CCDC102B: variants seen among roughly 807,000 people sequenced by gnomAD.
CCDC102B encodes coiled-coil domain containing 102B, also known as coiled-coil domain-containing protein 102B.
In CCDC102B, 75 loss-of-function variants were observed where a neutral mutation model predicts 57.4. That is an observed-to-expected ratio of 1.31 (90% CI 1.08 to 1.58). The LOEUF (loss-of-function observed/expected upper bound fraction) is 1.58, where lower values mean the gene tolerates loss of function less well. CCDC102B is among the 40% of genes most tolerant of loss of function. The pLI, the probability that CCDC102B is intolerant of heterozygous loss-of-function variation, is 0.00. For synonymous variants in CCDC102B, 206 were observed against 201.9 expected, an observed-to-expected ratio of 1.02 and a Z score of -0.17; for missense variants, 636 against 582.6, an observed-to-expected ratio of 1.09 and a Z score of -0.94.
chr18:68,838,377 G>A (rs1485212211), intron 2 of CCDC102B: 1 of 977,786 alleles, frequency 1.0e-6, no homozygotes, highest in East Asian at 1.1e-4. Context: ...ACTTGAAAGA[G>A]GAATTCATCA....
At chr18:68,804,757 A>T (rs1329205309) in intron 1 of CCDC102B, among the ~76,000 whole-genome samples, 1 of 152,184 alleles carries the variant, frequency 6.6e-6, no homozygotes, top group Non-Finnish European at 1.5e-5. Context: ...GTTGAAAATG[A>T]TACTGCGACT....
At chr18:68,878,473 T>C (rs2039539826) in intron 5 of CCDC102B, among the ~76,000 whole-genome samples, 1 of 152,160 alleles carries the variant, frequency 6.6e-6, no homozygotes, top group Non-Finnish European at 1.5e-5. Context: ...GTTCCCCAAA[T>C]TTATATACTG....
chr18:68,850,172 A>G (rs1380973294), intron 4 of CCDC102B, among the ~76,000 whole-genome samples: 1 of 152,176 alleles, frequency 6.6e-6, no homozygotes, highest in Non-Finnish European at 1.5e-5. Context: ...AAGAGTCAAT[A>G]TGTTACATCG....
chr18:68,818,550 C>G (rs2036580079), intron 1 of CCDC102B, among the ~76,000 whole-genome samples: 1 of 152,128 alleles, frequency 6.6e-6, no homozygotes, highest in Admixed American at 6.5e-5. Context: ...CATTACCACT[C>G]CAACTAAGGG....
At chr18:68,910,595 G>A (rs182008350) in intron 6 of CCDC102B, among the ~76,000 whole-genome samples, 12 of 152,252 alleles carry the variant, frequency 7.9e-5, no homozygotes, top group African/African-American at 2.9e-4. Context: ...ACAGGGCTGA[G>A]GACACACAGC....
intron 6 of CCDC102B, among the ~76,000 whole-genome samples, chr18:68,979,881 G>A (rs1328240444): frequency 6.6e-6 from 1 of 152,024 alleles, no homozygotes; most frequent in East Asian, 1.9e-4. Flanking sequence ...TGCAGCATGA[G>A]GTCAGGAGGC....
intron 6 of CCDC102B, among the ~76,000 whole-genome samples, chr18:68,947,573 A>G (rs1419568081): frequency 6.6e-6 from 1 of 152,126 alleles, no homozygotes; most frequent in Non-Finnish European, 1.5e-5. Context: ...AACTATTCAT[A>G]TAAAATTCAG....
At chr18:68,822,133 C>T (rs2036714614) in intron 1 of CCDC102B, among the ~76,000 whole-genome samples, 1 of 152,136 alleles carries the variant, frequency 6.6e-6, no homozygotes, top group Non-Finnish European at 1.5e-5. Flanking sequence ...TGGTGGCTCA[C>T]TCCTTTAATC....
At chr18:68,793,220 G>C (rs149667550), upstream of CCDC102B, among the ~76,000 whole-genome samples, 1 of 152,238 alleles carries the variant, frequency 6.6e-6, no homozygotes, top group African/African-American at 2.4e-5. Flanking sequence ...ATTTTCAGTT[G>C]CTGACATTGT....
intron 6 of CCDC102B, among the ~76,000 whole-genome samples, chr18:68,958,567 T>G (rs2049966688): frequency 6.6e-6 from 1 of 152,174 alleles, no homozygotes; most frequent in African/African-American, 2.4e-5. Flanking sequence ...TAGTTTTCTT[T>G]TATTATCTCT....
At chr18:69,030,928 CA>C (rs1434455792) in intron 7 of CCDC102B, among the ~76,000 whole-genome samples, 1 of 152,168 alleles carries the variant, frequency 6.6e-6, no homozygotes, top group Non-Finnish European at 1.5e-5. Flanking sequence ...GCTGGGATTA[CA>C]AGTGTGAGTC....
chr18:68,808,171 AG>A (rs1461546948), intron 1 of CCDC102B, among the ~76,000 whole-genome samples: 1 of 152,164 alleles, frequency 6.6e-6, no homozygotes, highest in Non-Finnish European at 1.5e-5. Flanking sequence ...TTGTTTTTCA[AG>A]TAACATATCT....
chr18:68,831,186 AT>A (rs1309188889), intron 1 of CCDC102B, among the ~76,000 whole-genome samples: 2 of 152,108 alleles, frequency 1.3e-5, no homozygotes, highest in African/African-American at 4.8e-5. Context: ...ATCATTGAAC[AT>A]TATCTTAGAA....
At chr18:68,942,302 C>T (rs1053827481) in intron 6 of CCDC102B, among the ~76,000 whole-genome samples, 3 of 151,970 alleles carry the variant, frequency 2.0e-5, no homozygotes, top group Admixed American at 2.0e-4. Context: ...CACCTGTGGG[C>T]GTTTCTCGTC....
intron 6 of CCDC102B, among the ~76,000 whole-genome samples, chr18:68,959,449 AC>A (rs1385684710): frequency 2.0e-5 from 3 of 152,120 alleles, no homozygotes; most frequent in African/African-American, 7.2e-5. Flanking sequence ...GCTAGGTCAG[AC>A]CTGAAGCCAG....
intron 2 of CCDC102B, among the ~76,000 whole-genome samples, chr18:68,729,766 T>G (rs999122005): frequency 6.6e-6 from 1 of 152,140 alleles, no homozygotes; most frequent in South Asian, 2.1e-4. Context: ...ATACAAATGT[T>G]GCAAGTCAAA....
chr18:68,918,981 G>C (rs945430340), intron 6 of CCDC102B, among the ~76,000 whole-genome samples: 15 of 152,120 alleles, frequency 9.9e-5, no homozygotes, highest in Non-Finnish European at 2.1e-4. Context: ...AGGGAAAGAA[G>C]GGAATATACA....
At chr18:68,765,135 G>T (rs995056563) in intron 2 of CCDC102B, among the ~76,000 whole-genome samples, 2 of 150,702 alleles carry the variant, frequency 1.3e-5, no homozygotes, top group Admixed American at 6.6e-5. Flanking sequence ...AAGTGGGGGG[G>T]ATTGCTTGAG....
chr18:68,853,672 T>TAAAAAAGAAAAAAAAAAAAA (rs2038241592), intron 4 of CCDC102B, among the ~76,000 whole-genome samples: 1 of 94,680 alleles, frequency 1.1e-5, no homozygotes, highest in African/African-American at 4.7e-5. Context: ...CCCCAAATTG[T>TAAAAAAGAAAAAAAAAAAAA]AAAAAAAAAA....
Sources: gnomAD v4.1 joint callset for allele counts (sites outside exome capture counted in the v4.1 genomes callset) on GRCh38, gnomAD v4.1.1 for gene constraint, MANE v1.5 for transcripts, NCBI Gene and HGNC (gene_info 2026-07-23, HGNC 2026-07-21) for gene names.